The following OTOG variants were observed in gnomAD, a reference collection of about 807,000 sequenced individuals.
The protein encoded by OTOG is otogelin.
A neutral mutation model predicts 313.8 loss-of-function variants in OTOG; 296 were observed. The observed-to-expected ratio is 0.94, with a 90% CI of 0.86 to 1.04. OTOG has a LOEUF of 1.04. Among genes scored for constraint, OTOG ranks in the 50% least tolerant of loss-of-function variants. The pLI is 0.00. For synonymous variants in OTOG, 1,533 were observed against 1,554.9 expected (o/e 0.99, Z 0.33); for missense variants, 3,948 against 3,840.1 (o/e 1.03, Z -0.74).
intron 36 of OTOG, among the ~76,000 whole-genome samples, chr11:17,611,791 C>A (rs1358306250): frequency 1.3e-5 from 2 of 150,804 alleles, no homozygotes; most frequent in African/African-American, 2.5e-5. Context: ...TCCTCATGTG[C>A]ATCTTTGTGC....
In OTOG at chr11:17,561,777, CG is replaced by C; in HGVS notation, c.1615del (p.Val539Ter). 1 of 1,550,506 alleles carries C rather than the reference CG, an allele frequency of 6.4e-7. No individual in the cohort carries two copies. Among genetic ancestry groups the C allele is most frequent in the Middle Eastern group, 1.7e-4 (1 of 5,992 alleles). On this transcript the variant is annotated frameshift_variant, in exon 15 of 56. Coordinates refer to ENST00000399397, the MANE Select transcript of OTOG (RefSeq NM_001292063.2). LOFTEE classifies it high-confidence loss of function. ...AKSRSSGTFTVTLQNAPCGLN... is the reference protein window; with the variant it reads ...AKSRSSGTFTXTLQNAPCGLN... ...AGAGCCGCTCTTCGGGCACCTTCAC[CG>C]TGACATTGCAGAATGCCCCATGTGG...
Position 17,570,397 on chromosome 11 carries a change from A to G in OTOG, c.1955+7A>G. 6.5e-7 allele frequency: 1 copy of G among 1,549,922 alleles called. No homozygotes were observed. The highest frequency in any genetic ancestry group is 8.7e-7 in the Non-Finnish European group (1 of 1,146,576). ...ACACGCAGGATGACTTCCTGTACGT[A>G]GCCCTGCCACGGAACCCGAAGAAGA... On this transcript the variant is annotated splice_region_variant and intron_variant, in intron 17 of 55. Coordinates refer to ENST00000399397, the MANE Select transcript of OTOG (RefSeq NM_001292063.2).
intron 22 of OTOG, chr11:17,578,134 G>A (rs1852579117): frequency 3.0e-6 from 2 of 666,194 alleles, no homozygotes; most frequent in Non-Finnish European, 4.2e-6. Context: ...GAGTAGTCTG[G>A]TATGGAGGAC....
intron 34 of OTOG, 126 bp from the exon 35 acceptor site, chr11:17,609,004 G>T: frequency 2.8e-6 from 2 of 723,506 alleles, no homozygotes; most frequent in Non-Finnish European, 4.7e-6. Context: ...GTGTGTACAC[G>T]TAATAAGCAC....
At chr11:17,611,750 C>T (rs1316648422) in intron 36 of OTOG, among the ~76,000 whole-genome samples, 6 of 152,026 alleles carry the variant, frequency 3.9e-5, no homozygotes, top group Non-Finnish European at 7.4e-5. Context: ...TGCATGTGCT[C>T]TTGTGTGTGT....
chr11:17,639,313 C>A, intron 48 of OTOG, 110 bp from the exon 49 acceptor site: 1 of 1,168,396 alleles, frequency 8.6e-7, no homozygotes, highest in Non-Finnish European at 1.2e-6. Context: ...TGGCCTGGAG[C>A]TGGGTCTTCA....
intron 24 of OTOG, among the ~76,000 whole-genome samples, chr11:17,590,762 C>G (rs905716746): frequency 1.3e-5 from 2 of 152,228 alleles, no homozygotes; most frequent in African/African-American, 4.8e-5. Context: ...TCCATTCTAG[C>G]CATGTTGTCT....
In OTOG at chr11:17,640,754, T is replaced by C; in HGVS notation, c.7945T>C (p.Ser2649Pro). The change falls in exon 50 of 56, where the codon TCC (serine) becomes CCC (proline). Residue 2649 changes from serine to proline, a missense_variant. Physicochemically the swap from Ser to Pro is moderately conservative, Grantham distance 74. Coordinates refer to ENST00000399397, the MANE Select transcript of OTOG (RefSeq NM_001292063.2). The stretch of plus-strand genomic sequence containing the variant: ...CCTCTGCCCCACCCAGTGGGAGAAA[T>C]CCCAGCTGGATGAGGAGTTCATGCA... ...PVPRCHLWEK[S>P]QLDEEFMHSV... 6.5e-7 allele frequency: 1 copy of C among 1,549,892 alleles called. No homozygotes were observed. Among genetic ancestry groups the C allele is most frequent in the Non-Finnish European group, 8.7e-7 (1 of 1,146,958 alleles).
chr11:17,643,459 A>C lies in OTOG; in HGVS notation c.8416-2A>C. On this transcript the variant is annotated splice_acceptor_variant, in intron 53 of 55. Coordinates refer to ENST00000399397, the MANE Select transcript of OTOG (RefSeq NM_001292063.2). LOFTEE classifies it high-confidence loss of function. ...CTACCTCCCCCGACTTCCTCTCTCT[A>C]GGTTGGGGGTTCCGTGGTACCTTCC... The C allele has an allele frequency of 7.0e-7, 1 of 1,420,842 alleles. No individual in the cohort carries two copies. The highest frequency in any genetic ancestry group is 1.5e-5 in the South Asian group (1 of 66,136). The allele number at this position is 1,420,842 out of a possible 1,614,324, so 88.0% of individuals were successfully genotyped here.
intron 31 of OTOG, 113 bp downstream of exon 31, chr11:17,599,810 A>T: frequency 1.6e-6 from 2 of 1,286,538 alleles, no homozygotes; most frequent in Non-Finnish European, 2.2e-6. Context: ...AAGAGCCGTG[A>T]CCCGGAATGG....
intron 28 of OTOG, among the ~76,000 whole-genome samples, chr11:17,595,604 A>G (rs540734560): frequency 3.3e-5 from 5 of 152,198 alleles, no homozygotes; most frequent in African/African-American, 1.2e-4. Flanking sequence ...ATCTGCTCAC[A>G]TGGTTGTTGA....
intron 32 of OTOG, among the ~76,000 whole-genome samples, chr11:17,605,505 C>T (rs11024339): frequency 1.1e-4 from 16 of 151,988 alleles, no homozygotes; most frequent in African/African-American, 3.6e-4. Context: ...ATGGATCCTG[C>T]GTATCTAGAA....
chr11:17,581,469 T>C (rs1852663957), intron 23 of OTOG, among the ~76,000 whole-genome samples: 1 of 152,200 alleles, frequency 6.6e-6, no homozygotes, highest in Non-Finnish European at 1.5e-5. Context: ...CAGAGATTTC[T>C]TCCCTTGAAA....
intron 13 of OTOG, 36 bp from the exon 14 acceptor site, chr11:17,561,055 G>A (rs1852171151): frequency 1.3e-6 from 2 of 1,549,830 alleles, no homozygotes; most frequent in South Asian, 1.2e-5. Context: ...AGGCCTGGAG[G>A]GGTGACCTCT....
chr11:17,645,447 G>C, intron 54 of OTOG, 117 bp from the exon 55 acceptor site: 2 of 922,132 alleles, frequency 2.2e-6, no homozygotes, highest in Middle Eastern at 2.7e-4. Context: ...ATGCATGGGT[G>C]CTAATGCTGG....
chr11:17,632,107 G>T lies in OTOG; in HGVS notation c.6953G>T (p.Cys2318Phe), dbSNP rs751992683. ...GTCCAGGTGCCTCCGGAGTCATTCTGTGAGCTGTGGATCCGGGACACCAAG... is the reference window on the plus strand; with the variant it reads ...GTCCAGGTGCCTCCGGAGTCATTCTTTGAGCTGTGGATCCGGGACACCAAG... ...CHRFVPPESFCELWIRDTKYV... is the reference protein window; with the variant it reads ...CHRFVPPESFFELWIRDTKYV... The change falls in exon 42 of 56, where the codon TGT (cysteine) becomes TTT (phenylalanine). Residue 2318 changes from cysteine (C) to phenylalanine (F), a missense_variant. Transcript: ENST00000399397. 1.5e-5 allele frequency: 23 copies of T among 1,551,030 alleles called. No individual in the cohort carries two copies. In the South Asian group the frequency reaches 2.6e-4, roughly 18 times the overall value.
Position 17,593,655 on chromosome 11 carries a change from C to T in OTOG, c.3187C>T (p.Arg1063Ter), listed in dbSNP as rs1234811014. Residue 1063 changes from arginine to a stop codon, truncating the protein, a stop_gained, in exon 27 of 56, where the codon CGA becomes TGA. Coordinates refer to ENST00000399397, the MANE Select transcript of OTOG (RefSeq NM_001292063.2). LOFTEE classifies it high-confidence loss of function. Reference protein sequence around the residue: ...LDDKQEVHTWRVGFFTLVHFP... With the variant: ...LDDKQEVHTW ...TGACAAGCAGGAGGTCCACACATGG[C>T]GAGTGGGATTTTTCACACTGGTGCA... is the stretch of plus-strand genomic sequence containing the variant. 75 of 1,548,992 alleles carry T rather than the reference C, an allele frequency of 4.8e-5. No homozygotes were observed. The highest frequency in any genetic ancestry group is 6.9e-5 in the African/African-American group (5 of 72,978).
intron 10 of OTOG, 29 bp from the exon 11 acceptor site, chr11:17,559,023 C>A: frequency 6.5e-7 from 1 of 1,527,252 alleles, no homozygotes; most frequent in Non-Finnish European, 8.9e-7. Context: ...GGGTTTTGTT[C>A]CAGTGTGACC....
intron 47 of OTOG, among the ~76,000 whole-genome samples, chr11:17,636,817 T>C (rs1854278534): frequency 1.3e-5 from 2 of 152,140 alleles, no homozygotes; most frequent in South Asian, 4.2e-4. Context: ...TCAGTTGGGC[T>C]GTCTACCAGC....
Sources: allele counts gnomAD v4.1 joint callset (sites outside exome capture counted in the v4.1 genomes callset), GRCh38; gene constraint gnomAD v4.1.1; transcripts MANE v1.5; gene names NCBI Gene and HGNC (gene_info 2026-07-23, HGNC 2026-07-21).